NAALADL2: variants seen among roughly 807,000 people sequenced by gnomAD.
The protein encoded by NAALADL2 is inactive N-acetylated-alpha-linked acidic dipeptidase-like protein 2.
Under a neutral mutation model 87.2 loss-of-function variants are expected in NAALADL2, and 76 were observed. That is an observed-to-expected ratio of 0.87 (90% CI 0.72 to 1.05). The LOEUF is 1.05. Ranked by LOEUF, NAALADL2 falls within the 50% of genes least tolerant of loss-of-function variation. NAALADL2 has a pLI of 0.00. For missense variants in NAALADL2, 1,089 were observed against 945.8 expected (o/e 1.15, Z -1.99); for synonymous variants, 354 against 331.0 (o/e 1.07, Z -0.75).
intron 1 of NAALADL2, among the ~76,000 whole-genome samples, chr3:174,995,181 G>A (rs1034981049): frequency 6.6e-6 from 1 of 151,758 alleles, no homozygotes; most frequent in African/African-American, 2.4e-5. Context: ...TATATAATTT[G>A]GTTTTTAAAT....
At chr3:174,728,091 A>G (rs1732373500) in intron 2 of NAALADL2, among the ~76,000 whole-genome samples, 1 of 152,006 alleles carries the variant, frequency 6.6e-6, no homozygotes, top group African/African-American at 2.4e-5. Context: ...CATTGTATGG[A>G]TGTACAACCG....
intron 1 of NAALADL2, among the ~76,000 whole-genome samples, chr3:174,451,860 T>G: frequency 6.9e-6 from 1 of 144,542 alleles, no homozygotes; most frequent in African/African-American, 2.6e-5. Context: ...TTTTTTTTTT[T>G]TTTTTTTTTT....
intron 3 of NAALADL2, among the ~76,000 whole-genome samples, chr3:174,851,078 G>T (rs911946090): frequency 6.6e-6 from 1 of 151,858 alleles, no homozygotes; most frequent in Non-Finnish European, 1.5e-5. Flanking sequence ...AAATGGACAC[G>T]CAACATACCA....
chr3:175,723,499 T>C lies in NAALADL2; in HGVS notation c.1897-13807T>C, dbSNP rs576313988. On this transcript the variant is annotated intron_variant, in intron 11 of 13. Coordinates refer to ENST00000454872, the MANE Select transcript of NAALADL2 (RefSeq NM_207015.3). Reference sequence around the variant, plus strand: ...GGTAACATGGTAATATGAGTACCAATTGCTAGATGAAATTAAGACATGAAA... The same window carrying C: ...GGTAACATGGTAATATGAGTACCAACTGCTAGATGAAATTAAGACATGAAA... 9.9e-5 allele frequency among the ~76,000 whole-genome samples: 15 copies of C among 152,274 alleles called. No individual in the cohort carries two copies. The South Asian group carries it at 1.0e-3, about 11-fold the overall frequency.
chr3:175,674,258 TTG>T (rs1491177599), intron 11 of NAALADL2, among the ~76,000 whole-genome samples: 3 of 144,962 alleles, frequency 2.1e-5, no homozygotes, highest in African/African-American at 8.6e-5. Flanking sequence ...TTTTTTTTTT[TTG>T]TTTGTTTTGT....
At chr3:174,769,074 T>C (rs539361974) in intron 3 of NAALADL2, among the ~76,000 whole-genome samples, 146 of 152,142 alleles carry the variant, frequency 9.6e-4, no homozygotes, top group Middle Eastern at 3.4e-3. Flanking sequence ...TAAAATAACA[T>C]CTAACTTTGG....
At chr3:174,918,248 A>T (rs1422361750) in intron 1 of NAALADL2, among the ~76,000 whole-genome samples, 1 of 152,108 alleles carries the variant, frequency 6.6e-6, no homozygotes, top group Non-Finnish European at 1.5e-5. Flanking sequence ...GAAACAAAAT[A>T]ACACACTAGA....
intron 2 of NAALADL2, among the ~76,000 whole-genome samples, chr3:174,636,483 A>C (rs1290810624): frequency 6.6e-6 from 1 of 152,158 alleles, no homozygotes; most frequent in African/African-American, 2.4e-5. Flanking sequence ...ACCATTAAAA[A>C]CTGGCCAGTG....
chr3:175,540,594 G>T (rs1712140491), intron 9 of NAALADL2, among the ~76,000 whole-genome samples: 2 of 152,208 alleles, frequency 1.3e-5, no homozygotes, highest in Non-Finnish European at 2.9e-5. Context: ...CTGGGAGGAG[G>T]TATCTGACAG....
At chr3:175,067,648 G>A (rs1714783361) in intron 1 of NAALADL2, among the ~76,000 whole-genome samples, 1 of 152,132 alleles carries the variant, frequency 6.6e-6, no homozygotes, top group South Asian at 2.1e-4. Context: ...TGGTGGGAAT[G>A]TAAATTAGCT....
At chr3:175,199,846 ATATATATATATATATATATTTTTTTTTT>A (rs1739645308) in intron 2 of NAALADL2, among the ~76,000 whole-genome samples, 1 of 15,860 alleles carries the variant, frequency 6.3e-5, no homozygotes, top group Non-Finnish European at 1.1e-4. Context: ...ATATATATAT[ATATATATATATATATATATTTTTTTTTT>A]TTTTTTTTTT....
chr3:174,862,650 C>T (rs933204714), intron 1 of NAALADL2, among the ~76,000 whole-genome samples: 1 of 152,066 alleles, frequency 6.6e-6, no homozygotes, highest in Non-Finnish European at 1.5e-5. Flanking sequence ...TTCAAGGGCA[C>T]CTTCCTCTTT....
intron 1 of NAALADL2, among the ~76,000 whole-genome samples, chr3:174,984,322 C>G (rs1256084369): frequency 1.3e-5 from 2 of 152,060 alleles, no homozygotes; most frequent in African/African-American, 4.8e-5. Flanking sequence ...CAAAAGTGTG[C>G]CTGAATGTGT....
chr3:175,070,174 AAAAT>A (rs1715359885), intron 1 of NAALADL2, among the ~76,000 whole-genome samples: 1 of 151,026 alleles, frequency 6.6e-6, no homozygotes, highest in African/African-American at 2.4e-5. Context: ...ATAATAAACT[AAAAT>A]AAAAATAAAA....
At chr3:174,779,528 T>G (rs1403578339) in intron 3 of NAALADL2, among the ~76,000 whole-genome samples, 1 of 152,198 alleles carries the variant, frequency 6.6e-6, no homozygotes, top group Non-Finnish European at 1.5e-5. Context: ...CTTTTGGTGT[T>G]TTAGTCATGA....
Position 175,742,353 on chromosome 3 carries a change from G to A in NAALADL2, c.1990+4954G>A, listed in dbSNP as rs1745337556. On this transcript the variant is annotated intron_variant, in intron 12 of 13. Coordinates refer to ENST00000454872, the MANE Select transcript of NAALADL2 (RefSeq NM_207015.3). The stretch of plus-strand genomic sequence containing the variant: ...TATTTTCCTTTCACACAAGAGAAAG[G>A]CATACGAATTTATATAATGTAAGTT... Among the ~76,000 whole-genome samples the A allele has an allele frequency of 3.3e-5, 5 of 152,126 alleles. No homozygotes were observed. The South Asian group carries it at 1.0e-3, about 32-fold the overall frequency.
chr3:174,495,397 G>A (rs1718468222), intron 1 of NAALADL2, among the ~76,000 whole-genome samples: 1 of 152,018 alleles, frequency 6.6e-6, no homozygotes, highest in Admixed American at 6.6e-5. Flanking sequence ...AACATTTAAT[G>A]GGCATCAAGT....
chr3:175,624,847 AC>A (rs1003893023), intron 10 of NAALADL2, among the ~76,000 whole-genome samples: 6 of 152,076 alleles, frequency 3.9e-5, no homozygotes, highest in Admixed American at 3.3e-4. Context: ...ATAATTAATT[AC>A]CCCCACCTCA....
At chr3:175,607,097 T>TC (rs1175720980) in intron 10 of NAALADL2, among the ~76,000 whole-genome samples, 4 of 152,180 alleles carry the variant, frequency 2.6e-5, no homozygotes, top group African/African-American at 9.6e-5. Flanking sequence ...AAGTTTGGCT[T>TC]CTTTTTGAAC....
Sources: gnomAD v4.1 joint callset for allele counts (sites outside exome capture counted in the v4.1 genomes callset) on GRCh38, gnomAD v4.1.1 for gene constraint, MANE v1.5 for transcripts, NCBI Gene and HGNC (gene_info 2026-07-23, HGNC 2026-07-21) for gene names.